THSD7A: variants seen among roughly 807,000 people sequenced by gnomAD.
THSD7A encodes thrombospondin type-1 domain-containing protein 7A.
Under a neutral mutation model 231.3 loss-of-function variants are expected in THSD7A, and 96 were observed. The observed-to-expected ratio is 0.41, with a 90% CI of 0.35 to 0.49. The LOEUF is 0.49. Ranked by LOEUF, THSD7A falls within the 20% of genes least tolerant of loss-of-function variation. The probability of loss-of-function intolerance (pLI) is 0.05; values close to 1 mark genes in which losing one functional copy is unlikely to be tolerated. For missense variants in THSD7A, 2,290 were observed against 2,070.2 expected, an observed-to-expected ratio of 1.11 and a Z score of -2.06; for synonymous variants, 940 against 743.3, an observed-to-expected ratio of 1.26 and a Z score of -4.30.
intron 1 of THSD7A, among the ~76,000 whole-genome samples, chr7:11,788,340 T>C (rs1783851495): frequency 6.6e-6 from 1 of 152,126 alleles, no homozygotes; most frequent in Non-Finnish European, 1.5e-5. Flanking sequence ...GTTTTGCCAC[T>C]GTCTAATCTT....
intron 27 of THSD7A, 43 bp downstream of exon 27, chr7:11,376,527 C>G (rs778993912): frequency 7.7e-6 from 11 of 1,428,576 alleles, no homozygotes; most frequent in Non-Finnish European, 9.6e-6. Context: ...TTCTGTGTTA[C>G]GATTAAGTAT....
intron 6 of THSD7A, among the ~76,000 whole-genome samples, chr7:11,484,617 C>T (rs1385690465): frequency 1.3e-5 from 2 of 152,136 alleles, no homozygotes; most frequent in Admixed American, 6.6e-5. Context: ...CTACTTCATA[C>T]TTAGAACCTA....
At chr7:11,379,574 CAG>C in intron 25 of THSD7A, 54 bp downstream of exon 25, 1 of 1,441,972 alleles carries the variant, frequency 6.9e-7, no homozygotes, top group Non-Finnish European at 9.6e-7. Flanking sequence ...GCATAAGAGA[CAG>C]TGGGGTGACA....
intron 4 of THSD7A, among the ~76,000 whole-genome samples, chr7:11,546,202 G>GCGCGCACACACACACACA (rs761841418): frequency 1.6e-4 from 21 of 129,450 alleles, no homozygotes; most frequent in Middle Eastern, 7.9e-3. Context: ...GTGGGCGCGC[G>GCGCGCACACACACACACA]CTCACACACA....
At chr7:11,702,815 C>G (rs960835079) in intron 1 of THSD7A, among the ~76,000 whole-genome samples, 1 of 151,132 alleles carries the variant, frequency 6.6e-6, no homozygotes, top group Admixed American at 6.6e-5. Context: ...CACTACCTGA[C>G]TCCTGCTAAG....
rs142064447 is a variant in THSD7A, at chr7:11,755,973, A to G, written c.190+75784T>C. On this transcript the variant is annotated intron_variant, in intron 1 of 27. Coordinates refer to ENST00000423059, the MANE Select transcript of THSD7A (RefSeq NM_015204.3). ...CTGAAAAGATTGCCACTTTGAAAAC[A>G]CAATTTTCATGTGCACTTATATTTC... 9.6e-3 allele frequency among the ~76,000 whole-genome samples: 1,464 copies of G among 152,206 alleles called. 18 individuals are homozygous for G. Among genetic ancestry groups the G allele is most frequent in the African/African-American group, 0.033 (1,365 of 41,546 alleles).
chr7:11,534,350 G>C (rs1267390956), intron 6 of THSD7A, among the ~76,000 whole-genome samples: 2 of 152,156 alleles, frequency 1.3e-5, no homozygotes, highest in Non-Finnish European at 2.9e-5. Flanking sequence ...GATATTGTGT[G>C]AGTTCAAGAG....
At chr7:11,429,201 A>G (rs528594763) in intron 13 of THSD7A, 76 bp from the exon 14 acceptor site, 2 of 1,416,226 alleles carry the variant, frequency 1.4e-6, no homozygotes, top group South Asian at 3.1e-5. Flanking sequence ...ATTCTAGGTC[A>G]TTTAGAAGGT....
At chr7:11,712,377 G>C (rs542054129) in intron 1 of THSD7A, among the ~76,000 whole-genome samples, 1 of 150,910 alleles carries the variant, frequency 6.6e-6, no homozygotes, top group African/African-American at 2.4e-5. Context: ...GCAGGGAAAG[G>C]AACATGTAAC....
At position 11,444,859 on chromosome 7, in the gene THSD7A, A is replaced by T. The variant is rs1008592270; in HGVS notation, c.3064+1202T>A. Among the ~76,000 whole-genome samples, 2 of 147,674 alleles carry T rather than the reference A, an allele frequency of 1.4e-5. No homozygotes were observed. Among genetic ancestry groups the T allele is most frequent in the African/African-American group, 2.5e-5 (1 of 40,700 alleles). ...TATATATAATTAAACTATATATATA[A>T]AACTATCATTATATATAACTATTTT... is the stretch of plus-strand genomic sequence containing the variant. On this transcript the variant is annotated intron_variant, in intron 13 of 27. Transcript: ENST00000423059. The surrounding 1 kb of genome is among the most constrained non-coding windows in gnomAD (Gnocchi z 4.2).
chr7:11,401,749 T>C (rs1281597132), intron 23 of THSD7A, 46 bp downstream of exon 23: 58 of 1,510,338 alleles, frequency 3.8e-5, no homozygotes, highest in Non-Finnish European at 5.2e-5. Context: ...TTTTTTTTAA[T>C]CTTATGCTTT....
intron 1 of THSD7A, among the ~76,000 whole-genome samples, chr7:11,820,032 GC>G (rs979984900): frequency 3.8e-4 from 57 of 151,908 alleles, no homozygotes; most frequent in African/African-American, 1.3e-3. Context: ...CCCTACCCCT[GC>G]CCCCACCCCA....
chr7:11,585,924 C>A (rs1234323560), intron 4 of THSD7A, among the ~76,000 whole-genome samples: 3 of 151,996 alleles, frequency 2.0e-5, no homozygotes, highest in Non-Finnish European at 4.4e-5. Flanking sequence ...AGCTGGGAAT[C>A]AATTTTTTTT....
chr7:11,476,318 T>TACAC (rs59127235), intron 7 of THSD7A, among the ~76,000 whole-genome samples: 4,058 of 137,300 alleles, frequency 0.03, 67 homozygotes, highest in African/African-American at 0.051. Flanking sequence ...CTCTGGAAGA[T>TACAC]ACACACACAC....
chr7:11,538,759 T>C (rs51), intron 6 of THSD7A, among the ~76,000 whole-genome samples: 95,402 of 151,856 alleles, frequency 0.63, 30,269 homozygotes, highest in Admixed American at 0.74. Flanking sequence ...ATCCCTCTGT[T>C]TTCTTCTCTG....
intron 1 of THSD7A, among the ~76,000 whole-genome samples, chr7:11,643,083 A>T (rs1725451): frequency 9.9e-5 from 15 of 151,992 alleles, no homozygotes; most frequent in South Asian, 6.2e-4. Flanking sequence ...AGAAATTATG[A>T]GAACTACTTT....
chr7:11,820,408 T>C (rs1380252775), intron 1 of THSD7A: 1 of 1,330,342 alleles, frequency 7.5e-7, no homozygotes, highest in Non-Finnish European at 1.0e-6. Context: ...CCCACTGAAC[T>C]TGTCATGGGC....
intron 1 of THSD7A, among the ~76,000 whole-genome samples, chr7:11,727,863 T>C (rs1444271342): frequency 6.6e-6 from 1 of 152,032 alleles, no homozygotes; most frequent in African/African-American, 2.4e-5. Context: ...CTGTAAGAGC[T>C]TAGTTATCGG....
chr7:11,685,188 T>G (rs1424434001), intron 1 of THSD7A, among the ~76,000 whole-genome samples: 2 of 151,930 alleles, frequency 1.3e-5, no homozygotes, highest in Non-Finnish European at 2.9e-5. Flanking sequence ...AGAATGAAAC[T>G]TGACCTATAC....
Sources: allele counts gnomAD v4.1 joint callset (sites outside exome capture counted in the v4.1 genomes callset), GRCh38; gene constraint gnomAD v4.1.1; non-coding constraint Gnocchi (gnomAD v3.1); transcripts MANE v1.5; gene names NCBI Gene and HGNC (gene_info 2026-07-23, HGNC 2026-07-21).